The following PPP1R13B variants were observed in gnomAD, a reference collection of about 807,000 sequenced individuals.
The protein encoded by PPP1R13B is protein phosphatase 1 regulatory subunit 13B, also known as apoptosis-stimulating of p53 protein 1.
PPP1R13B carries 44 observed loss-of-function variants against 119.8 expected under a neutral mutation model. The ratio of observed to expected loss-of-function variants is 0.37; its 90% confidence interval spans 0.29 to 0.47. The LOEUF is 0.47. Among genes scored for constraint, PPP1R13B ranks in the 20% least tolerant of loss-of-function variants. The pLI, the probability that PPP1R13B is intolerant of heterozygous loss-of-function variation, is 0.99. For synonymous variants in PPP1R13B, 542 were observed against 561.5 expected, an observed-to-expected ratio of 0.97 and a Z score of 0.49; for missense variants, 1,227 against 1,413.5, an observed-to-expected ratio of 0.87 and a Z score of 2.12.
chr14:103,824,717 C>T (rs1392347177), intron 1 of PPP1R13B, among the ~76,000 whole-genome samples: 1 of 151,014 alleles, frequency 6.6e-6, no homozygotes, highest in African/African-American at 2.4e-5. Context: ...AAGGAGACAG[C>T]AAATGAGTGT....
chr14:103,840,093 AAC>A (rs1276801674), intron 1 of PPP1R13B: 2 of 152,250 alleles, frequency 1.3e-5, no homozygotes, highest in African/African-American at 4.8e-5. Context: ...TAGTCTGAAC[AAC>A]AGTCATATAG....
At chr14:103,828,897 A>G (rs1419635088) in intron 1 of PPP1R13B, among the ~76,000 whole-genome samples, 1 of 152,222 alleles carries the variant, frequency 6.6e-6, no homozygotes, top group Non-Finnish European at 1.5e-5. Flanking sequence ...TCTTCATTCT[A>G]TAAGGTGATA....
intron 2 of PPP1R13B, among the ~76,000 whole-genome samples, chr14:103,792,842 A>C (rs2085656427): frequency 6.6e-6 from 1 of 151,988 alleles, no homozygotes; most frequent in Non-Finnish European, 1.5e-5. Context: ...AGGCCGAGGC[A>C]GGTGGATCAC....
At position 103,768,890 on chromosome 14, in the gene PPP1R13B, A is replaced by G. The variant is rs914761537; in HGVS notation, c.354+9855T>C. On this transcript the variant is annotated intron_variant, in intron 4 of 16. Coordinates refer to ENST00000202556, the MANE Select transcript of PPP1R13B (RefSeq NM_015316.3). ...AGCTCTCAGTATCTCTTTAAACTGT[A>G]CATGTTTTATACATGTACATATATT... Among the ~76,000 whole-genome samples, 3 of 152,166 alleles carry G rather than the reference A, an allele frequency of 2.0e-5. 1 individual carries two copies. The highest frequency in any genetic ancestry group is 4.4e-5 in the Non-Finnish European group (3 of 68,042).
rs1015225558 is a variant in PPP1R13B at position 103,790,958 on chromosome 14, TCAAGA to T, written c.158-6049_158-6045del. Among the ~76,000 whole-genome samples the T allele has an allele frequency of 5.9e-5, 9 of 152,304 alleles. No homozygotes were observed. In the East Asian group the frequency reaches 1.2e-3, roughly 20 times the overall value. ...TTCAGTGCAACCAAAGAATTTGATG[TCAAGA>T]CAAGAGATAAAACTTTGTGAGCTAC... On this transcript the variant is annotated intron_variant, in intron 2 of 16. Transcript: ENST00000202556.
chr14:103,848,706 T>C (rs1264180662), upstream of PPP1R13B, among the ~76,000 whole-genome samples: 1 of 152,192 alleles, frequency 6.6e-6, no homozygotes, highest in Non-Finnish European at 1.5e-5. Flanking sequence ...TTCTGGCTGC[T>C]GCAGAGTGGG....
chr14:103,799,303 C>T (rs1310870764), intron 1 of PPP1R13B, among the ~76,000 whole-genome samples: 2 of 152,052 alleles, frequency 1.3e-5, no homozygotes, highest in South Asian at 2.1e-4. Context: ...CTCAGCCTCC[C>T]GAGTAGCTGG....
upstream of PPP1R13B, among the ~76,000 whole-genome samples, chr14:103,847,932 G>A (rs1210384646): frequency 2.0e-5 from 3 of 151,726 alleles, no homozygotes. Context: ...TCGAACCCGG[G>A]CTCCCGGGGG....
intron 15 of PPP1R13B, chr14:103,737,252 A>G (rs1390405609): frequency 1.3e-5 from 2 of 153,806 alleles, no homozygotes; most frequent in Admixed American, 6.5e-5. Flanking sequence ...CTGCCCCTGA[A>G]GAAGGTGGAA....
chr14:103,803,630 G>A (rs1049744624), intron 1 of PPP1R13B, among the ~76,000 whole-genome samples: 14 of 152,234 alleles, frequency 9.2e-5, no homozygotes, highest in East Asian at 3.9e-4. Context: ...GCAACAGAGC[G>A]AGACTCCGTC....
At chr14:103,844,227 A>G (rs1401602315) in intron 1 of PPP1R13B, among the ~76,000 whole-genome samples, 3 of 151,838 alleles carry the variant, frequency 2.0e-5, no homozygotes, top group African/African-American at 4.8e-5. Flanking sequence ...AGATCGTATC[A>G]TTGCACTCCA....
intron 1 of PPP1R13B, chr14:103,803,929 G>C: frequency 1.8e-6 from 1 of 541,356 alleles, no homozygotes; most frequent in Non-Finnish European, 2.4e-6. Flanking sequence ...CTCAGATAAA[G>C]CCTCCTCTTC....
chr14:103,744,452 C>A (rs1054006011), intron 9 of PPP1R13B, among the ~76,000 whole-genome samples: 23 of 152,218 alleles, frequency 1.5e-4, no homozygotes, highest in Admixed American at 9.8e-4. Flanking sequence ...AGACTCCATA[C>A]CTGTCTGTTG....
intron 1 of PPP1R13B, among the ~76,000 whole-genome samples, chr14:103,825,783 A>G (rs1211353054): frequency 6.6e-6 from 1 of 152,180 alleles, no homozygotes; most frequent in East Asian, 1.9e-4. Flanking sequence ...CAGAAGATCC[A>G]GCTACAATCA....
intron 2 of PPP1R13B, among the ~76,000 whole-genome samples, chr14:103,791,324 AG>A (rs2085614824): frequency 6.6e-6 from 1 of 152,186 alleles, no homozygotes; most frequent in Non-Finnish European, 1.5e-5. Flanking sequence ...AGGCAAAAAC[AG>A]AAACGGTCTC....
chr14:103,768,546 C>T (rs1452594534), intron 4 of PPP1R13B, among the ~76,000 whole-genome samples: 1 of 152,212 alleles, frequency 6.6e-6, no homozygotes, highest in Non-Finnish European at 1.5e-5. Context: ...ATCCGCCTGC[C>T]TCAGCCTCCC....
intron 8 of PPP1R13B, among the ~76,000 whole-genome samples, chr14:103,749,172 T>C (rs2084475055): frequency 6.6e-6 from 1 of 152,260 alleles, no homozygotes; most frequent in Non-Finnish European, 1.5e-5. Flanking sequence ...TGAGCATTTA[T>C]TCAATGAGTA....
At chr14:103,847,104 C>A (rs940057214) in intron 1 of PPP1R13B, 195 bp downstream of exon 1, 2 of 986,084 alleles carry the variant, frequency 2.0e-6, no homozygotes, top group Middle Eastern at 5.1e-4. Flanking sequence ...GCCCCGGCCC[C>A]GCGCTGACAG....
intron 1 of PPP1R13B, among the ~76,000 whole-genome samples, chr14:103,839,809 T>C (rs1884782348): frequency 6.6e-6 from 1 of 152,162 alleles, no homozygotes; most frequent in Non-Finnish European, 1.5e-5. Context: ...GGCATGCTCC[T>C]ACCACATGGC....
Sources: gnomAD v4.1 joint callset for allele counts (sites outside exome capture counted in the v4.1 genomes callset) on GRCh38, gnomAD v4.1.1 for gene constraint, MANE v1.5 for transcripts, NCBI Gene and HGNC (gene_info 2026-07-23, HGNC 2026-07-21) for gene names.